ADGRL2: variants seen among roughly 807,000 people sequenced by gnomAD.
The protein encoded by ADGRL2 is calcium-independent alpha-latrotoxin receptor 2.
ADGRL2 carries 44 observed loss-of-function variants against 157.4 expected under a neutral mutation model. The ratio of observed to expected loss-of-function variants is 0.28; its 90% CI spans 0.22 to 0.36. ADGRL2 has a LOEUF of 0.36. ADGRL2 is among the 10% of genes least tolerant of loss of function. The probability of loss-of-function intolerance (pLI) is 1.00; values close to 1 mark genes in which losing one functional copy is unlikely to be tolerated. For synonymous variants in ADGRL2, 585 were observed against 624.7 expected (o/e 0.94, Z 0.95); for missense variants, 1,510 against 1,768.9 (o/e 0.85, Z 2.63).
rs571232642 is a variant in ADGRL2 at position 81,685,158 on chromosome 1, C to G, written c.-142-76653C>G. On this transcript the variant is annotated intron_variant, in intron 3 of 24. Transcript: ENST00000370721. ...CATATGAATTTTAGAATTGTTTTTTCTAATTCTGTGAAGAATGATGGTGGT... is the reference window on the plus strand; with the variant it reads ...CATATGAATTTTAGAATTGTTTTTTGTAATTCTGTGAAGAATGATGGTGGT... 3.1e-4 allele frequency among the ~76,000 whole-genome samples: 47 copies of G among 152,124 alleles called. No individual in the cohort carries two copies. In the South Asian group the frequency reaches 9.5e-3, roughly 31 times the overall value.
At chr1:81,604,781 G>A (rs2081400568) in intron 3 of ADGRL2, among the ~76,000 whole-genome samples, 1 of 152,104 alleles carries the variant, frequency 6.6e-6, no homozygotes, top group South Asian at 2.1e-4. Context: ...ATTCACCTGA[G>A]CCATGTGTGT....
At chr1:81,347,243 C>T (rs1418774286) in intron 1 of ADGRL2, among the ~76,000 whole-genome samples, 1 of 151,830 alleles carries the variant, frequency 6.6e-6, no homozygotes, top group Admixed American at 6.6e-5. Flanking sequence ...TACTAAAAAA[C>T]ACAAAAAAAT....
At chr1:81,731,542 A>G (rs1193994477) in intron 1 of ADGRL2, among the ~76,000 whole-genome samples, 1 of 151,984 alleles carries the variant, frequency 6.6e-6, no homozygotes, top group Admixed American at 6.5e-5. Context: ...CTTATTATAT[A>G]TTCAGTTTGA....
At chr1:81,968,347 AATTTTAAGAAGTCTT>A (rs1252660021) in intron 14 of ADGRL2, 148 bp downstream of exon 14, 8 of 676,766 alleles carry the variant, frequency 1.2e-5, no homozygotes, top group African/African-American at 1.9e-5. Flanking sequence ...ACTGTCCATA[AATTTTAAGAAGTCTT>A]GGCACTGTTA....
At chr1:81,600,353 ACTT>A in intron 3 of ADGRL2, among the ~76,000 whole-genome samples, 1 of 152,130 alleles carries the variant, frequency 6.6e-6, no homozygotes. Flanking sequence ...TCCATCTCAA[ACTT>A]CTTCTCAATA....
intron 1 of ADGRL2, among the ~76,000 whole-genome samples, chr1:81,378,123 G>A (rs920315744): frequency 1.3e-5 from 2 of 151,804 alleles, no homozygotes; most frequent in South Asian, 2.1e-4. Context: ...AGGTTGCAGC[G>A]AGCCGAGATC....
At chr1:81,539,500 G>A (rs1186359455) in intron 2 of ADGRL2, among the ~76,000 whole-genome samples, 1 of 152,108 alleles carries the variant, frequency 6.6e-6, no homozygotes, top group African/African-American at 2.4e-5. Context: ...CACTGCCCCC[G>A]ATCGCCTGAT....
At chr1:81,465,093 C>T (rs4456135) in intron 2 of ADGRL2, among the ~76,000 whole-genome samples, 85,559 of 151,718 alleles carry the variant, frequency 0.56, 27,655 homozygotes, top group Non-Finnish European at 0.74. Flanking sequence ...ATTTCAGCTA[C>T]GTTGTTTAGA....
At chr1:81,383,825 A>AAAG (rs773227675) in intron 1 of ADGRL2, among the ~76,000 whole-genome samples, 14,092 of 143,770 alleles carry the variant, frequency 0.098, 1,159 homozygotes, top group Non-Finnish European at 0.15. Flanking sequence ...AAAAAAAAAA[A>AAAG]AGAGAGCCGG....
intron 3 of ADGRL2, among the ~76,000 whole-genome samples, chr1:81,928,682 C>T (rs569020942): frequency 1.2e-4 from 19 of 152,188 alleles, no homozygotes; most frequent in African/African-American, 4.1e-4. Context: ...AGAACAGATT[C>T]ATATTGCAAT....
At chr1:81,862,109 G>C (rs1181992127) in intron 2 of ADGRL2, among the ~76,000 whole-genome samples, 1 of 152,050 alleles carries the variant, frequency 6.6e-6, no homozygotes, top group Non-Finnish European at 1.5e-5. Flanking sequence ...AGCAAAATTT[G>C]TAACTTAAGG....
At chr1:81,788,644 C>T (rs1288399597) in intron 2 of ADGRL2, among the ~76,000 whole-genome samples, 1 of 152,188 alleles carries the variant, frequency 6.6e-6, no homozygotes, top group Non-Finnish European at 1.5e-5. Context: ...AGCCTCTCCT[C>T]CTGGATGTTG....
At chr1:81,467,298 T>A (rs1463673938) in intron 2 of ADGRL2, among the ~76,000 whole-genome samples, 2 of 152,044 alleles carry the variant, frequency 1.3e-5, no homozygotes, top group Non-Finnish European at 2.9e-5. Flanking sequence ...AGGAATTAGG[T>A]ACAAAAATAA....
At chr1:81,507,452 C>A (rs1300705974) in intron 2 of ADGRL2, among the ~76,000 whole-genome samples, 1 of 152,174 alleles carries the variant, frequency 6.6e-6, no homozygotes, top group Non-Finnish European at 1.5e-5. Context: ...GATTTATTTA[C>A]AAATTGTTTG....
chr1:81,838,889 T>G (rs965379556), intron 2 of ADGRL2, among the ~76,000 whole-genome samples: 1 of 152,114 alleles, frequency 6.6e-6, no homozygotes, highest in African/African-American at 2.4e-5. Flanking sequence ...TCTGAAGCAC[T>G]TCCCTCCTAC....
intron 2 of ADGRL2, among the ~76,000 whole-genome samples, chr1:81,484,312 C>T (rs944509974): frequency 6.6e-6 from 1 of 152,132 alleles, no homozygotes; most frequent in Non-Finnish European, 1.5e-5. Context: ...TACAGAGGAA[C>T]AAAGCAGCTT....
intron 2 of ADGRL2, among the ~76,000 whole-genome samples, chr1:81,786,858 TTTGA>T (rs1040212410): frequency 1.3e-5 from 2 of 152,196 alleles, no homozygotes; most frequent in African/African-American, 4.8e-5. Flanking sequence ...CTTCCATTTG[TTTGA>T]TTGAAAAAGT....
intron 3 of ADGRL2, among the ~76,000 whole-genome samples, chr1:81,673,769 G>A (rs561088328): frequency 7.9e-5 from 12 of 152,066 alleles, no homozygotes; most frequent in Middle Eastern, 3.4e-3. Flanking sequence ...TGCCCGCCTC[G>A]GCCTCCCAAA....
Position 81,992,809 on chromosome 1 carries a change from G to A in ADGRL2, c.*1664G>A, listed in dbSNP as rs1414752063. ...TATAAATATCCCTATAGACAGCTGT[G>A]AATACCAATATACATTACCCTGGAA... On this transcript the variant is annotated 3_prime_UTR_variant, in exon 24 of 24. Transcript: ENST00000686636. Among the ~76,000 whole-genome samples, 1 of 151,554 alleles carries A rather than the reference G, an allele frequency of 6.6e-6. No homozygotes were observed. Among genetic ancestry groups the A allele is most frequent in the Non-Finnish European group, 1.5e-5 (1 of 67,924 alleles).
Sources: allele counts gnomAD v4.1 joint callset (sites outside exome capture counted in the v4.1 genomes callset), GRCh38; gene constraint gnomAD v4.1.1; transcripts MANE v1.5; gene names NCBI Gene and HGNC (gene_info 2026-07-23, HGNC 2026-07-21).